The following KIF22 variants were observed in gnomAD, a reference collection of about 807,000 sequenced individuals.
KIF22 encodes the protein kinesin-like protein KIF22.
KIF22 carries 62 observed loss-of-function variants against 73.0 expected under a neutral mutation model. That is an observed-to-expected ratio of 0.85 (90% CI 0.69 to 1.05). The LOEUF (loss-of-function observed/expected upper bound fraction) is 1.05, where lower values mean the gene tolerates loss of function less well. Ranked by LOEUF, KIF22 falls within the 50% of genes least tolerant of loss-of-function variation. The probability of loss-of-function intolerance (pLI) is 0.00; values close to 1 mark genes in which losing one functional copy is unlikely to be tolerated. For synonymous variants in KIF22, 411 were observed against 340.1 expected (o/e 1.21, Z -2.29); for missense variants, 854 against 870.1 (o/e 0.98, Z 0.23).
intron 8 of KIF22, among the ~76,000 whole-genome samples, chr16:29,800,958 T>C (rs1231523795): frequency 6.6e-6 from 1 of 152,150 alleles, no homozygotes; most frequent in African/African-American, 2.4e-5. Flanking sequence ...GTTTCAAGGA[T>C]GAGCATTTTT....
rs749567581 is a variant in KIF22, at chr16:29,802,759, T to G, written c.1281-10T>G. 3.2e-6 allele frequency: 5 copies of G among 1,542,258 alleles called. No individual in the cohort carries two copies. The highest frequency in any genetic ancestry group is 1.2e-5 in the South Asian group (1 of 81,154). On this transcript the variant is annotated splice_polypyrimidine_tract_variant and intron_variant, in intron 8 of 13. Coordinates refer to ENST00000160827, the MANE Select transcript of KIF22 (RefSeq NM_007317.3). ...GAGGTAGGTGGGGAGCAACTTCTTT[T>G]TCTGCTCAGCCCCCTACAGAAGCTA...
intron 1 of KIF22, among the ~76,000 whole-genome samples, chr16:29,794,456 CTAGGTTACTTAGCTAGCTGTAA>C (rs1298793476): frequency 1.3e-5 from 2 of 152,180 alleles, no homozygotes; most frequent in African/African-American, 4.8e-5. Context: ...AATAATTTCC[CTAGGTTACTTAGCTAGCTGTAA>C]ATGGCAGAGC....
Position 29,790,792 on chromosome 16 carries a change from A to G in KIF22, c.33A>G (p.Arg11=), listed in dbSNP as rs1407348788. 1.9e-6 allele frequency: 3 copies of G among 1,603,922 alleles called. No individual in the cohort carries two copies. Among genetic ancestry groups the G allele is most frequent in the Non-Finnish European group, 2.6e-6 (3 of 1,175,530 alleles). The change falls in exon 1 of 14, where the codon CGA becomes CGG. Residue 11 remains arginine (R), a synonymous_variant. Coordinates refer to ENST00000160827, the MANE Select transcript of KIF22 (RefSeq NM_007317.3). ...CGGGCGGCTCGACGCAGCAGAGGCG[A>G]CGCGAGATGGCGGCAGCTTCAGCGG... MAAGGSTQQR[R]REMAAASAAA...
rs1025188914 is a variant in KIF22, at chr16:29,797,629, C to T, written c.266+541C>T. Among the ~76,000 whole-genome samples the T allele has an allele frequency of 7.2e-5, 11 of 152,276 alleles. No individual in the cohort carries two copies. Among genetic ancestry groups the T allele is most frequent in the Admixed American group, 5.2e-4 (8 of 15,284 alleles). ...ATTTTATCGTTTATTTACATATTGT[C>T]TATAGCTGCTTTCTGACTACAGTGG... On this transcript the variant is annotated intron_variant, in intron 2 of 13. Coordinates refer to ENST00000160827, the MANE Select transcript of KIF22 (RefSeq NM_007317.3). This position sits in a 1 kb window ranked among gnomAD's most constrained non-coding sequence, Gnocchi z 4.1.
At chr16:29,792,781 G>T (rs188398557) in intron 1 of KIF22, among the ~76,000 whole-genome samples, 244 of 152,310 alleles carry the variant, frequency 1.6e-3, no homozygotes, top group African/African-American at 5.2e-3. Flanking sequence ...AAATCCAAAG[G>T]TGCAAGAGAA....
rs1236402725 is a variant in KIF22 at position 29,805,131 on chromosome 16, G to A, written c.1907G>A (p.Arg636His). The A allele has an allele frequency of 1.2e-6, 2 of 1,613,798 alleles. No individual in the cohort carries two copies. The highest frequency in any genetic ancestry group is 1.7e-5 in the Admixed American group (1 of 60,006). ...GPFSQVEDLE[R>H]VEGITGKQME... ...TCCCGCCAGGTGGAGGACCTGGAACGCGTGGAGGGCATAACGGGGAAACAG... is the reference window on the plus strand; with the variant it reads ...TCCCGCCAGGTGGAGGACCTGGAACACGTGGAGGGCATAACGGGGAAACAG... Residue 636 changes from arginine to histidine, a missense_variant, in exon 13 of 14, where the codon CGC (arginine) becomes CAC (histidine). Coordinates refer to ENST00000160827, the MANE Select transcript of KIF22 (RefSeq NM_007317.3).
chr16:29,803,934 G>A (rs1899237708), intron 10 of KIF22, 64 bp from the exon 11 acceptor site: 1 of 1,237,346 alleles, frequency 8.1e-7, no homozygotes, highest in South Asian at 1.2e-5. Context: ...AAGAATCGAA[G>A]GGCTACCAGG....
intron 10 of KIF22, 72 bp downstream of exon 10, chr16:29,803,680 C>A: frequency 8.0e-7 from 1 of 1,248,750 alleles, no homozygotes; most frequent in Non-Finnish European, 1.1e-6. Flanking sequence ...TTAGGAGCAG[C>A]TGTCTCCATG....
intron 1 of KIF22, chr16:29,792,343 C>T: frequency 1.3e-6 from 1 of 797,204 alleles, no homozygotes; most frequent in Non-Finnish European, 1.5e-6. Flanking sequence ...ATGTGGCCCT[C>T]CCCTCTTCCC....
At chr16:29,792,822 C>T (rs1167369250) in intron 1 of KIF22, among the ~76,000 whole-genome samples, 1 of 152,068 alleles carries the variant, frequency 6.6e-6, no homozygotes, top group Non-Finnish European at 1.5e-5. Flanking sequence ...GAAGGAAATT[C>T]ATCATGACTG....
rs925759851 is a variant in KIF22, at chr16:29,797,844, G to A, written c.267-530G>A. 3.9e-5 allele frequency among the ~76,000 whole-genome samples: 6 copies of A among 152,166 alleles called. No homozygotes were observed. Among genetic ancestry groups the A allele is most frequent in the Non-Finnish European group, 8.8e-5 (6 of 68,040 alleles). ...TGGCCTAAGCTGCACTTCTCCACCA[G>A]AACGCAGTGGATAGGTGATTGGTAT... is the stretch of plus-strand genomic sequence containing the variant. On this transcript the variant is annotated intron_variant, in intron 2 of 13. Transcript: ENST00000160827. This position sits in a 1 kb window ranked among gnomAD's most constrained non-coding sequence, Gnocchi z 4.1.
chr16:29,800,460 A>C (rs1237077281), intron 8 of KIF22, among the ~76,000 whole-genome samples: 1 of 149,780 alleles, frequency 6.7e-6, no homozygotes, highest in African/African-American at 2.5e-5. Context: ...TCCGTCTCAA[A>C]GTAAATAAGT....
rs966661621 is a variant in KIF22 at position 29,797,171 on chromosome 16, C to T, written c.266+83C>T. Reference sequence around the variant, plus strand: ...CCACGTTCCCCTGCCTCCCCAGGATCCTTGCTCCCTCCTTAGCACCGCTTT... The same window carrying T: ...CCACGTTCCCCTGCCTCCCCAGGATTCTTGCTCCCTCCTTAGCACCGCTTT... On this transcript the variant is annotated intron_variant, in intron 2 of 13. Coordinates refer to ENST00000160827, the MANE Select transcript of KIF22 (RefSeq NM_007317.3). The surrounding 1 kb of genome is among the most constrained non-coding windows in gnomAD (Gnocchi z 4.1). 3.8e-5 allele frequency: 39 copies of T among 1,033,440 alleles called. No homozygotes were observed. Among genetic ancestry groups the T allele is most frequent in the Non-Finnish European group, 5.4e-5 (38 of 703,630 alleles). The allele number at this position is 1,033,440 out of a possible 1,614,324, so 64.0% of individuals were successfully genotyped here. A position where few individuals can be genotyped will look rare whatever the true frequency, so the allele number is the denominator to read the frequency against.
At chr16:29,800,867 C>T (rs1367876941) in intron 8 of KIF22, among the ~76,000 whole-genome samples, 1 of 152,178 alleles carries the variant, frequency 6.6e-6, no homozygotes, top group Non-Finnish European at 1.5e-5. Context: ...CCTTGGGGAC[C>T]TAAGGAGGCC....
chr16:29,797,269 T>C lies in KIF22; in HGVS notation c.266+181T>C, dbSNP rs1898976932. 6.6e-6 allele frequency among the ~76,000 whole-genome samples: 1 copy of C among 152,156 alleles called. No homozygotes were observed. The highest frequency in any genetic ancestry group is 2.4e-5 in the African/African-American group (1 of 41,422). On this transcript the variant is annotated intron_variant, in intron 2 of 13. Coordinates refer to ENST00000160827, the MANE Select transcript of KIF22 (RefSeq NM_007317.3). The surrounding 1 kb of genome is among the most constrained non-coding windows in gnomAD (Gnocchi z 4.1). ...CCATGATGGGCCCTCTCTGGGATAC[T>C]GTAGGGAGAGATGAGAGGTTGAATC...
intron 9 of KIF22, 124 bp from the exon 10 acceptor site, chr16:29,803,325 T>G (rs975758643): frequency 8.7e-7 from 1 of 1,144,646 alleles, no homozygotes; most frequent in African/African-American, 1.6e-5. Context: ...CCTGGTAACC[T>G]CCCACTGGTC....
In KIF22 at chr16:29,798,657, C is replaced by T; in HGVS notation, c.459C>T (p.Asp153=). The part of the protein sequence containing the change: ...QPGVIPRALM[D]LLQLTREEGA... ...GGGTGATCCCGCGGGCTCTCATGGA[C>T]CTCCTGCAGCTCACAAGGGAGGAGG... is the stretch of plus-strand genomic sequence containing the variant. Residue 153 remains aspartate, a synonymous_variant, in exon 4 of 14, where the codon GAC becomes GAT. Coordinates refer to ENST00000160827, the MANE Select transcript of KIF22 (RefSeq NM_007317.3). The surrounding 1 kb of genome is among the most constrained non-coding windows in gnomAD (Gnocchi z 4.1). 1 of 1,614,186 alleles carries T rather than the reference C, an allele frequency of 6.2e-7. No individual in the cohort carries two copies. The highest frequency in any genetic ancestry group is 8.5e-7 in the Non-Finnish European group (1 of 1,180,026).
In KIF22 at chr16:29,798,700, T is replaced by C. The variant is rs779247770; in HGVS notation, c.502T>C (p.Trp168Arg). Residue 168 changes from tryptophan to arginine, a missense_variant, in exon 4 of 14, where the codon TGG becomes CGG. This residue lies in a region of KIF22 where 245 missense variants were observed against 351.8 expected (regional missense o/e 0.70). Coordinates refer to ENST00000160827, the MANE Select transcript of KIF22 (RefSeq NM_007317.3). The surrounding 1 kb of genome is among the most constrained non-coding windows in gnomAD (Gnocchi z 4.1). ...GGAGGAGGGTGCCGAGGGCCGGCCA[T>C]GGGCCCTTTCTGTCACCATGTCTTA... ...TREEGAEGRP[W>R]ALSVTMSYLE... The C allele has an allele frequency of 4.3e-6, 7 of 1,614,100 alleles. No homozygotes were observed. The highest frequency in any genetic ancestry group is 5.9e-6 in the Non-Finnish European group (7 of 1,180,018).
Position 29,804,491 on chromosome 16 carries a change from T to C in KIF22, c.1678-323T>C, listed in dbSNP as rs1456237823. On this transcript the variant is annotated intron_variant, in intron 11 of 13. Transcript: ENST00000160827. Reference sequence around the variant, plus strand: ...TCCCATGTACTTTTTGAAAGACAGCTTATTCTTTCCCTTTTAGAGATGAGG... The same window carrying C: ...TCCCATGTACTTTTTGAAAGACAGCCTATTCTTTCCCTTTTAGAGATGAGG... 4 of 649,852 alleles carry C rather than the reference T, an allele frequency of 6.2e-6. No homozygotes were observed. In the Admixed American group the frequency reaches 8.4e-5, roughly 14 times the overall value. The allele number at this position is 649,852 out of a possible 1,614,324, so 40.3% of individuals were successfully genotyped here. A position where few individuals can be genotyped will look rare whatever the true frequency, so the allele number is the denominator to read the frequency against.
Sources: gnomAD v4.1 joint callset for allele counts (sites outside exome capture counted in the v4.1 genomes callset) on GRCh38, gnomAD v4.1.1 for gene constraint, gnomAD v4.1.1 regional missense constraint, Gnocchi (gnomAD v3.1) non-coding constraint, MANE v1.5 for transcripts, NCBI Gene and HGNC (gene_info 2026-07-23, HGNC 2026-07-21) for gene names.